Variants in SGCZ observed in about 807,000 individuals in gnomAD.
SGCZ encodes sarcoglycan zeta, also known as zeta-sarcoglycan.
SGCZ carries 40 observed loss-of-function variants against 41.3 expected under a neutral mutation model. The ratio of observed to expected loss-of-function variants is 0.97; its 90% confidence interval spans 0.75 to 1.26. The LOEUF (loss-of-function observed/expected upper bound fraction) is 1.26. Among genes scored for constraint, SGCZ ranks in the 50% most tolerant of loss-of-function variants. The pLI is 0.00. For synonymous variants in SGCZ, 206 were observed against 137.5 expected, an observed-to-expected ratio of 1.50 and a Z score of -3.49; for missense variants, 552 against 369.8, an observed-to-expected ratio of 1.49 and a Z score of -4.04.
At chr8:14,530,239 C>T (rs1345729944) in intron 2 of SGCZ, among the ~76,000 whole-genome samples, 1 of 151,754 alleles carries the variant, frequency 6.6e-6, no homozygotes, top group African/African-American at 2.4e-5. Flanking sequence ...AATATACTAC[C>T]CTAAAATAGA....
chr8:14,997,570 T>C (rs1419865679), intron 1 of SGCZ, among the ~76,000 whole-genome samples: 2 of 152,236 alleles, frequency 1.3e-5, no homozygotes, highest in Non-Finnish European at 2.9e-5. Flanking sequence ...TTAGCTGTTA[T>C]TAATATGTAA....
At chr8:14,134,482 A>C (rs1167784599) in intron 5 of SGCZ, among the ~76,000 whole-genome samples, 1 of 152,226 alleles carries the variant, frequency 6.6e-6, no homozygotes, top group Non-Finnish European at 1.5e-5. Context: ...GTGTCATTCA[A>C]ATTAACTGTG....
intron 2 of SGCZ, among the ~76,000 whole-genome samples, chr8:14,435,119 G>A (rs889790346): frequency 6.6e-6 from 1 of 152,154 alleles, no homozygotes; most frequent in South Asian, 2.1e-4. Flanking sequence ...ATAAAAGCGT[G>A]ATATTTTGTG....
At chr8:14,709,346 T>C (rs1205735592) in intron 1 of SGCZ, among the ~76,000 whole-genome samples, 1 of 152,166 alleles carries the variant, frequency 6.6e-6, no homozygotes, top group African/African-American at 2.4e-5. Context: ...CCCCACCTCA[T>C]TACTTCAGCT....
intron 1 of SGCZ, among the ~76,000 whole-genome samples, chr8:14,616,324 A>T (rs1462997794): frequency 6.6e-6 from 1 of 151,820 alleles, no homozygotes; most frequent in African/African-American, 2.4e-5. Flanking sequence ...AACTAGACTG[A>T]TGATGCACAG....
intron 7 of SGCZ, among the ~76,000 whole-genome samples, chr8:14,098,530 C>G (rs1327264738): frequency 6.6e-6 from 1 of 152,100 alleles, no homozygotes; most frequent in African/African-American, 2.4e-5. Context: ...TTCCTTACAC[C>G]TTTTCAGGAG....
chr8:14,417,290 G>A (rs953279552), intron 2 of SGCZ, among the ~76,000 whole-genome samples: 1 of 151,914 alleles, frequency 6.6e-6, no homozygotes, highest in Non-Finnish European at 1.5e-5. Context: ...TCTTCCTTCA[G>A]TAGTTCTAGG....
rs142929543 is a variant in SGCZ, at chr8:14,232,308, G to T, written c.424+5284C>A. Among the ~76,000 whole-genome samples, 5 of 152,060 alleles carry T rather than the reference G, an allele frequency of 3.3e-5. No homozygotes were observed. In the East Asian group the frequency reaches 7.7e-4, roughly 24 times the overall value. ...TTGGACAAAGAAGGCAAGCACCTCA[G>T]ATCTCTGAAGAAACCAGTCAACTCT... On this transcript the variant is annotated intron_variant, in intron 4 of 7. Coordinates refer to ENST00000382080, the MANE Select transcript of SGCZ (RefSeq NM_139167.4).
rs895228445 is a variant in SGCZ, at chr8:14,555,060, T to C, written c.40-134A>G. 2.8e-5 allele frequency: 20 copies of C among 726,480 alleles called. No homozygotes were observed. The African/African-American group carries it at 3.2e-4, about 12-fold the overall frequency. The allele number at this position is 726,480 out of a possible 1,614,324, so 45.0% of individuals were successfully genotyped here. ...TGGCAGTGAGCATTCAAATAACTAT[T>C]GTTGTGTAATTAAAATGTTATAGAA... On this transcript the variant is annotated intron_variant, in intron 1 of 7. Transcript: ENST00000382080.
intron 1 of SGCZ, among the ~76,000 whole-genome samples, chr8:14,939,413 T>G (rs1156919948): frequency 6.6e-6 from 1 of 152,106 alleles, no homozygotes; most frequent in Admixed American, 6.6e-5. Context: ...GTTCCTAAAT[T>G]AATGCTTCCT....
intron 4 of SGCZ, among the ~76,000 whole-genome samples, chr8:14,208,078 G>C (rs10503488): frequency 0.058 from 8,781 of 152,072 alleles, 501 homozygotes; most frequent in African/African-American, 0.15. Context: ...TACTACAAAG[G>C]TTTAAATGCC....
Position 15,208,916 on chromosome 8 carries a change from G to A in SGCZ, c.39+28669C>T, listed in dbSNP as rs182231619. The stretch of plus-strand genomic sequence containing the variant: ...ATACATATATATAGAGAGAGAGAGA[G>A]AGAGAGAATTGTTCCTAATACTATC... On this transcript the variant is annotated intron_variant, in intron 1 of 7. Coordinates refer to ENST00000382080, the MANE Select transcript of SGCZ (RefSeq NM_139167.4). Among the ~76,000 whole-genome samples, 387 of 151,878 alleles carry A rather than the reference G, an allele frequency of 2.5e-3. 1 individual carries two copies. The highest frequency in any genetic ancestry group is 0.014 in the Middle Eastern group (4 of 292).
At chr8:14,904,219 C>G (rs926402332) in intron 1 of SGCZ, among the ~76,000 whole-genome samples, 3 of 151,972 alleles carry the variant, frequency 2.0e-5, no homozygotes, top group African/African-American at 7.2e-5. Context: ...GAAAATTCTT[C>G]CCCCTGAACT....
intron 4 of SGCZ, among the ~76,000 whole-genome samples, chr8:14,170,536 T>C (rs1804347088): frequency 6.6e-6 from 1 of 152,088 alleles, no homozygotes; most frequent in African/African-American, 2.4e-5. Context: ...GAGGATAAGG[T>C]AAAAATGATC....
intron 1 of SGCZ, among the ~76,000 whole-genome samples, chr8:15,027,259 T>C (rs1803492822): frequency 6.6e-6 from 1 of 152,178 alleles, no homozygotes; most frequent in Admixed American, 6.5e-5. Flanking sequence ...AACAAACATA[T>C]TCACTTCTAT....
At chr8:14,691,108 G>T (rs1212241532) in intron 1 of SGCZ, among the ~76,000 whole-genome samples, 2 of 152,084 alleles carry the variant, frequency 1.3e-5, no homozygotes, top group Non-Finnish European at 2.9e-5. Flanking sequence ...TATGTTTATT[G>T]TCTGTCTCTC....
chr8:14,308,321 A>G (rs894845352), intron 3 of SGCZ, among the ~76,000 whole-genome samples: 2 of 152,138 alleles, frequency 1.3e-5, no homozygotes, highest in Admixed American at 6.6e-5. Context: ...TATGATGACA[A>G]TAAACAATGA....
chr8:14,849,112 T>A (rs1208619399), intron 1 of SGCZ, among the ~76,000 whole-genome samples: 3 of 152,126 alleles, frequency 2.0e-5, no homozygotes, highest in Admixed American at 6.5e-5. Flanking sequence ...ATATGCAATT[T>A]AAAATCACAA....
At chr8:14,477,195 A>G (rs1383936222) in intron 2 of SGCZ, among the ~76,000 whole-genome samples, 1 of 152,134 alleles carries the variant, frequency 6.6e-6, no homozygotes, top group East Asian at 1.9e-4. Context: ...TAAAATACCT[A>G]TTTATAAAAT....
Sources: allele counts gnomAD v4.1 joint callset (sites outside exome capture counted in the v4.1 genomes callset), GRCh38; gene constraint gnomAD v4.1.1; transcripts MANE v1.5; gene names NCBI Gene and HGNC (gene_info 2026-07-23, HGNC 2026-07-21).